CAMK2D: variants seen among roughly 807,000 people sequenced by gnomAD.
CAMK2D encodes the protein calcium/calmodulin dependent protein kinase II delta, also known as calcium/calmodulin-dependent protein kinase type II subunit delta.
CAMK2D carries 37 observed loss-of-function variants against 84.0 expected under a neutral mutation model. The ratio of observed to expected loss-of-function variants is 0.44; its 90% CI spans 0.34 to 0.58. CAMK2D has a LOEUF of 0.58. Ranked by LOEUF, CAMK2D falls within the 20% of genes least tolerant of loss-of-function variation. The pLI, the probability that CAMK2D is intolerant of heterozygous loss-of-function variation, is 0.02. For synonymous variants in CAMK2D, 202 were observed against 212.5 expected, an observed-to-expected ratio of 0.95 and a Z score of 0.43; for missense variants, 448 against 652.5, an observed-to-expected ratio of 0.69 and a Z score of 3.41.
Position 113,661,788 on chromosome 4 carries a change from A to G in CAMK2D, c.161-16T>C. 7.1e-7 allele frequency: 1 copy of G among 1,409,514 alleles called. No homozygotes were observed. The highest frequency in any genetic ancestry group is 9.7e-7 in the Non-Finnish European group (1 of 1,034,776). 87.3% of individuals were successfully genotyped at this position (1,409,514 alleles called of 1,614,324 possible). A position where few individuals can be genotyped will look rare whatever the true frequency, so the allele number is the denominator to read the frequency against. ...TTCTGATGATCTGTTAAAAAAAAAA[A>G]CAGAATAAGGCAAAAATAAAGCAAA... On this transcript the variant is annotated splice_polypyrimidine_tract_variant and intron_variant, in intron 2 of 20. Coordinates refer to ENST00000511664, the MANE Select transcript of CAMK2D (RefSeq NM_001321571.2).
chr4:113,561,329 C>T (rs959504406), intron 4 of CAMK2D, among the ~76,000 whole-genome samples: 2 of 152,104 alleles, frequency 1.3e-5, no homozygotes, highest in Non-Finnish European at 2.9e-5. Context: ...TAAAAATTAG[C>T]TGGACATGCC....
At chr4:113,566,598 G>A (rs1404034905) in intron 4 of CAMK2D, among the ~76,000 whole-genome samples, 2 of 152,120 alleles carry the variant, frequency 1.3e-5, no homozygotes, top group Non-Finnish European at 2.9e-5. Context: ...TTTGAGCTCT[G>A]GCCCACACCT....
In CAMK2D at chr4:113,572,381, G is replaced by A. The variant is rs16997281; in HGVS notation, c.276-20285C>T. On this transcript the variant is annotated intron_variant, in intron 4 of 20. Transcript: ENST00000511664. ...TAAAAAGGGCCTAATCTCATACACA[G>A]GAAAGGATGCTTAAAGTATTTACTG... 3.4e-3 allele frequency among the ~76,000 whole-genome samples: 511 copies of A among 151,862 alleles called. 2 individuals carry two copies. Among genetic ancestry groups the A allele is most frequent in the African/African-American group, 0.012 (497 of 41,428 alleles).
chr4:113,739,038 T>C (rs957836970), intron 2 of CAMK2D, among the ~76,000 whole-genome samples: 2 of 152,200 alleles, frequency 1.3e-5, no homozygotes, highest in Non-Finnish European at 1.5e-5. Flanking sequence ...TTACTGTTCA[T>C]AGCACTTAGA....
At chr4:113,749,061 T>A (rs948142598) in intron 2 of CAMK2D, among the ~76,000 whole-genome samples, 2 of 151,980 alleles carry the variant, frequency 1.3e-5, no homozygotes, top group East Asian at 3.9e-4. Context: ...CAAATCACTA[T>A]TGCCACTATG....
intron 16 of CAMK2D, among the ~76,000 whole-genome samples, chr4:113,468,591 G>C (rs986160374): frequency 3.3e-5 from 5 of 152,190 alleles, no homozygotes; most frequent in African/African-American, 1.2e-4. Context: ...CTGACCTAGA[G>C]GAAGAGCGAG....
At chr4:113,709,986 G>C (rs2099486995) in intron 2 of CAMK2D, among the ~76,000 whole-genome samples, 1 of 150,932 alleles carries the variant, frequency 6.6e-6, no homozygotes, top group Non-Finnish European at 1.5e-5. Context: ...TCTGTTATGA[G>C]AAACAAAACA....
At chr4:113,751,554 G>A (rs1196526280) in intron 2 of CAMK2D, among the ~76,000 whole-genome samples, 3 of 152,066 alleles carry the variant, frequency 2.0e-5, no homozygotes, top group Admixed American at 6.6e-5. Flanking sequence ...GGTGGATCAC[G>A]AGGTCCGGTG....
In CAMK2D at chr4:113,606,938, T is replaced by A. The variant is rs75746482; in HGVS notation, c.275+2214A>T. Reference sequence around the variant, plus strand: ...ACCTTATCTTTAGGGGAAAAACAATTAGAATGACAAAGATGTCTCATCAAA... The same window carrying A: ...ACCTTATCTTTAGGGGAAAAACAATAAGAATGACAAAGATGTCTCATCAAA... On this transcript the variant is annotated intron_variant, in intron 4 of 20. Coordinates refer to ENST00000511664, the MANE Select transcript of CAMK2D (RefSeq NM_001321571.2). 4.6e-5 allele frequency among the ~76,000 whole-genome samples: 7 copies of A among 152,074 alleles called. No individual in the cohort carries two copies. The East Asian group carries it at 1.4e-3, about 29-fold the overall frequency.
At chr4:113,525,483 A>G (rs180993506) in intron 8 of CAMK2D, among the ~76,000 whole-genome samples, 17 of 152,278 alleles carry the variant, frequency 1.1e-4, no homozygotes, top group Admixed American at 8.5e-4. Flanking sequence ...GCAGAACACA[A>G]GGCTATGTTC....
intron 16 of CAMK2D, among the ~76,000 whole-genome samples, chr4:113,470,406 G>T (rs1057126935): frequency 2.6e-5 from 4 of 152,130 alleles, no homozygotes; most frequent in Admixed American, 6.5e-5. Flanking sequence ...AGCACTTGGA[G>T]AGGCCGAGGC....
At chr4:113,758,924 T>G (rs566019767) in intron 2 of CAMK2D, among the ~76,000 whole-genome samples, 1 of 152,320 alleles carries the variant, frequency 6.6e-6, no homozygotes, top group Non-Finnish European at 1.5e-5. Context: ...ATGATTCAAC[T>G]GAGCTATGAC....
chr4:113,537,887 T>C (rs569608229), intron 6 of CAMK2D, among the ~76,000 whole-genome samples: 5 of 152,198 alleles, frequency 3.3e-5, no homozygotes, highest in Non-Finnish European at 7.3e-5. Flanking sequence ...ACTGTGCAAA[T>C]TAAATCCTAG....
chr4:113,521,967 C>T (rs542241327), intron 8 of CAMK2D, among the ~76,000 whole-genome samples: 5 of 152,084 alleles, frequency 3.3e-5, no homozygotes, highest in Admixed American at 6.6e-5. Context: ...AGAGTTGGTT[C>T]CATATACAGG....
intron 2 of CAMK2D, among the ~76,000 whole-genome samples, chr4:113,709,340 C>T (rs2099479016): frequency 6.6e-6 from 1 of 151,488 alleles, no homozygotes; most frequent in Non-Finnish European, 1.5e-5. Flanking sequence ...TCTGTTTTAA[C>T]TTAAATATAT....
chr4:113,551,248 G>A (rs896245986), intron 5 of CAMK2D, among the ~76,000 whole-genome samples: 23 of 152,170 alleles, frequency 1.5e-4, no homozygotes, highest in Non-Finnish European at 1.5e-4. Context: ...CTCCAAAAGT[G>A]TTGCCTTGGA....
At chr4:113,559,070 C>T (rs2098686042) in intron 4 of CAMK2D, among the ~76,000 whole-genome samples, 1 of 151,856 alleles carries the variant, frequency 6.6e-6, no homozygotes, top group African/African-American at 2.4e-5. Flanking sequence ...CGTTATCTGA[C>T]CTATATACTC....
intron 17 of CAMK2D, among the ~76,000 whole-genome samples, chr4:113,461,702 G>A (rs2097375690): frequency 6.6e-6 from 1 of 152,180 alleles, no homozygotes; most frequent in Non-Finnish European, 1.5e-5. Context: ...ACAAATCAAA[G>A]GATTTTGGAC....
intron 3 of CAMK2D, among the ~76,000 whole-genome samples, chr4:113,632,507 G>A (rs965930359): frequency 3.3e-5 from 5 of 151,794 alleles, no homozygotes; most frequent in Admixed American, 1.3e-4. Context: ...ACAGGTGTGA[G>A]CCACCACGCC....
Sources: gnomAD v4.1 joint callset for allele counts (sites outside exome capture counted in the v4.1 genomes callset) on GRCh38, gnomAD v4.1.1 for gene constraint, MANE v1.5 for transcripts, NCBI Gene and HGNC (gene_info 2026-07-23, HGNC 2026-07-21) for gene names.